Variants in ROR2 observed in about 807,000 individuals in gnomAD.
ROR2 encodes tyrosine-protein kinase transmembrane receptor ROR2.
ROR2 carries 33 observed loss-of-function variants against 74.9 expected under a neutral mutation model. The observed-to-expected ratio is 0.44, with a 90% CI of 0.33 to 0.59. The LOEUF (loss-of-function observed/expected upper bound fraction) is 0.59. ROR2 is among the 20% of genes least tolerant of loss of function. The pLI, the probability that ROR2 is intolerant of heterozygous loss-of-function variation, is 0.02. For missense variants in ROR2, 1,216 were observed against 1,313.8 expected, an observed-to-expected ratio of 0.93 and a Z score of 1.15; for synonymous variants, 586 against 558.7, an observed-to-expected ratio of 1.05 and a Z score of -0.69.
chr9:91,819,031 C>A (rs1828042949), intron 1 of ROR2, among the ~76,000 whole-genome samples: 1 of 152,204 alleles, frequency 6.6e-6, no homozygotes, highest in Non-Finnish European at 1.5e-5. Context: ...CCGGTCAGTC[C>A]CAAAGAGGTG....
Position 91,733,261 on chromosome 9 carries a change from C to T in ROR2, c.798G>A (p.Gln266=), listed in dbSNP as rs780591544. Residue 266 remains glutamine, a synonymous_variant, in exon 6 of 9, where the codon CAG becomes CAA. Transcript: ENST00000375708. The surrounding 1 kb of genome is among the most constrained non-coding windows in gnomAD (Gnocchi z 5.7). ...GGTTGGAGCGGGCGATGGTGTACTC[C>T]TGGCGGCACAGGTCGCTCTCCAGCA... ...CEVLESDLCR[Q]EYTIARSNPL... is the part of the protein sequence containing the mutation. 3.7e-6 allele frequency: 6 copies of T among 1,612,878 alleles called. No individual in the cohort carries two copies. The African/African-American group carries it at 8.0e-5, about 22-fold the overall frequency.
At chr9:91,807,138 A>G (rs1827594611) in intron 1 of ROR2, among the ~76,000 whole-genome samples, 1 of 152,228 alleles carries the variant, frequency 6.6e-6, no homozygotes, top group Non-Finnish European at 1.5e-5. Context: ...GAAGAATTTG[A>G]ACAGACGGTC....
chr9:91,755,940 CCT>C (rs1466686397), intron 4 of ROR2, 129 bp downstream of exon 4: 11 of 902,058 alleles, frequency 1.2e-5, no homozygotes, highest in South Asian at 8.0e-5. Context: ...CGTGGCCACC[CCT>C]GTGTGAAGCC....
intron 2 of ROR2, among the ~76,000 whole-genome samples, chr9:91,774,695 C>T (rs1289113257): frequency 6.6e-6 from 1 of 152,154 alleles, no homozygotes; most frequent in Non-Finnish European, 1.5e-5. Flanking sequence ...GGGGTTTATA[C>T]ATCAGAGAAG....
At chr9:91,924,564 C>T (rs1158203157) in intron 1 of ROR2, among the ~76,000 whole-genome samples, 4 of 152,168 alleles carry the variant, frequency 2.6e-5, no homozygotes, top group Non-Finnish European at 4.4e-5. Flanking sequence ...GAGGCAGAGG[C>T]GGGCGGATCA....
In ROR2 at chr9:91,723,397, T is replaced by C; in HGVS notation, c.*265A>G. The C allele has an allele frequency of 3.7e-6, 2 of 535,110 alleles. No individual in the cohort carries two copies. Among genetic ancestry groups the C allele is most frequent in the South Asian group, 5.1e-5 (2 of 38,946 alleles). 33.1% of individuals were successfully genotyped at this position (535,110 alleles called of 1,614,324 possible). A position where few individuals can be genotyped will look rare whatever the true frequency, so the allele number is the denominator to read the frequency against. On this transcript the variant is annotated 3_prime_UTR_variant, in exon 9 of 9. Transcript: ENST00000375708. ...CCAGTCTACCACCAGAATCAATGTATACAGCCCTGGGGATGACCATGTGTC... is the reference window on the plus strand; with the variant it reads ...CCAGTCTACCACCAGAATCAATGTACACAGCCCTGGGGATGACCATGTGTC...
At chr9:91,779,683 C>T (rs575981025) in intron 1 of ROR2, among the ~76,000 whole-genome samples, 5 of 152,124 alleles carry the variant, frequency 3.3e-5, no homozygotes, top group African/African-American at 1.2e-4. Context: ...CTGGCCAATA[C>T]TTTACATTCT....
intron 8 of ROR2, 112 bp downstream of exon 8, chr9:91,726,429 A>G: frequency 1.9e-6 from 2 of 1,057,676 alleles, no homozygotes; most frequent in South Asian, 2.6e-5. Context: ...GGAGTTTAAA[A>G]TAATTATGTG....
At chr9:91,817,849 G>A (rs1473621094) in intron 1 of ROR2, among the ~76,000 whole-genome samples, 1 of 152,028 alleles carries the variant, frequency 6.6e-6, no homozygotes, top group Admixed American at 6.5e-5. Context: ...GAGGAGGAGG[G>A]GAAAGAGGGA....
At chr9:91,900,144 T>A (rs1334888415) in intron 1 of ROR2, among the ~76,000 whole-genome samples, 2 of 152,176 alleles carry the variant, frequency 1.3e-5, no homozygotes. Flanking sequence ...GGGCTCCAGA[T>A]AAGCCTCCCT....
intron 2 of ROR2, among the ~76,000 whole-genome samples, chr9:91,771,784 G>C (rs1403076936): frequency 6.6e-6 from 1 of 151,836 alleles, no homozygotes; most frequent in Non-Finnish European, 1.5e-5. Flanking sequence ...ACTGACCCAG[G>C]ACATCTGAAC....
At chr9:91,935,290 G>C (rs904923947) in intron 1 of ROR2, among the ~76,000 whole-genome samples, 1 of 152,196 alleles carries the variant, frequency 6.6e-6, no homozygotes, top group African/African-American at 2.4e-5. Flanking sequence ...CCTGCCCTGC[G>C]GGCTCCACAA....
At chr9:91,898,065 C>T (rs2119421739) in intron 1 of ROR2, among the ~76,000 whole-genome samples, 1 of 152,286 alleles carries the variant, frequency 6.6e-6, no homozygotes, top group African/African-American at 2.4e-5. Context: ...GGCCACACCC[C>T]TGGGCCTCTC....
At chr9:91,805,045 T>C (rs1000966792) in intron 1 of ROR2, among the ~76,000 whole-genome samples, 13 of 152,254 alleles carry the variant, frequency 8.5e-5, no homozygotes, top group African/African-American at 2.7e-4. Context: ...GAAAGTAGTA[T>C]TTAATGATGA....
Position 91,737,518 on chromosome 9 carries a change from C to G in ROR2, c.495G>C (p.Gln165His), listed in dbSNP as rs1225529582. 6.2e-7 allele frequency: 1 copy of G among 1,614,042 alleles called. No homozygotes were observed. The highest frequency in any genetic ancestry group is 1.3e-5 in the African/African-American group (1 of 74,918). Residue 165 changes from glutamine to histidine, a missense_variant and splice_region_variant, in exon 5 of 9, where the codon CAG (glutamine) becomes CAC (histidine). By Grantham distance (24) the Gln-to-His change is conservative. Coordinates refer to ENST00000375708, the MANE Select transcript of ROR2 (RefSeq NM_004560.4). ...GPTHSPNHNFQDDYHEDGFCQ... is the reference protein window; with the variant it reads ...GPTHSPNHNFHDDYHEDGFCQ... ...AGAACCCATCCTCGTGGTAATCATCCCTGGTAAGAAACACACAAAGTCTGT... is the reference window on the plus strand; with the variant it reads ...AGAACCCATCCTCGTGGTAATCATCGCTGGTAAGAAACACACAAAGTCTGT...
intron 1 of ROR2, among the ~76,000 whole-genome samples, chr9:91,782,922 C>G (rs779973965): frequency 6.6e-6 from 1 of 152,228 alleles, no homozygotes; most frequent in Admixed American, 6.5e-5. Context: ...TTTCCTAAGG[C>G]AGCCACAACA....
At chr9:91,741,985 T>G (rs1331764769) in intron 4 of ROR2, among the ~76,000 whole-genome samples, 1 of 152,106 alleles carries the variant, frequency 6.6e-6, no homozygotes, top group Non-Finnish European at 1.5e-5. Flanking sequence ...ATAACCTAGA[T>G]GTAAGAATCA....
At chr9:91,795,092 T>C (rs921206709) in intron 1 of ROR2, among the ~76,000 whole-genome samples, 1 of 151,854 alleles carries the variant, frequency 6.6e-6, no homozygotes, top group Non-Finnish European at 1.5e-5. Flanking sequence ...CACTCCAGCC[T>C]GGGCAACATA....
Position 91,796,437 on chromosome 9 carries a change from A to G in ROR2, c.98-20619T>C, listed in dbSNP as rs1034160485. On this transcript the variant is annotated intron_variant, in intron 1 of 8. Transcript: ENST00000375708. Reference sequence around the variant, plus strand: ...AACAGAGTGAGACCTTGTCCCAAGGAAAAAAAAAAAAAAAAAAACATTTTC... The same window carrying G: ...AACAGAGTGAGACCTTGTCCCAAGGGAAAAAAAAAAAAAAAAAACATTTTC... Among the ~76,000 whole-genome samples, 16 of 82,984 alleles carry G rather than the reference A, an allele frequency of 1.9e-4. No homozygotes were observed. In the South Asian group the frequency reaches 3.2e-3, roughly 17 times the overall value. The allele number at this position is 82,984 out of a possible 152,430, so 54.4% of individuals were successfully genotyped here. A position where few individuals can be genotyped will look rare whatever the true frequency, so the allele number is the denominator to read the frequency against.
Sources: gnomAD v4.1 joint callset for allele counts (sites outside exome capture counted in the v4.1 genomes callset) on GRCh38, gnomAD v4.1.1 for gene constraint, Gnocchi (gnomAD v3.1) non-coding constraint, MANE v1.5 for transcripts, NCBI Gene and HGNC (gene_info 2026-07-23, HGNC 2026-07-21) for gene names.